GRM1: variants seen among roughly 807,000 people sequenced by gnomAD.
GRM1 encodes the protein glutamate metabotropic receptor 1.
Under a neutral mutation model 90.9 loss-of-function variants are expected in GRM1, and 33 were observed. That is an observed-to-expected ratio of 0.36 (90% CI 0.28 to 0.49). The LOEUF (loss-of-function observed/expected upper bound fraction) is 0.49. Among genes scored for constraint, GRM1 ranks in the 20% least tolerant of loss-of-function variants. GRM1 has a pLI of 0.99. For missense variants in GRM1, 1,190 were observed against 1,534.3 expected, an observed-to-expected ratio of 0.78 and a Z score of 3.75; for synonymous variants, 700 against 613.2, an observed-to-expected ratio of 1.14 and a Z score of -2.09.
chr6:146,322,144 ACAGT>A (rs1284466600), intron 3 of GRM1, among the ~76,000 whole-genome samples: 1 of 152,094 alleles, frequency 6.6e-6, no homozygotes, highest in African/African-American at 2.4e-5. Context: ...TTTCCTTCTA[ACAGT>A]CAGGCCCCTC....
chr6:146,331,726 A>T (rs951670502), intron 3 of GRM1, among the ~76,000 whole-genome samples: 1 of 152,106 alleles, frequency 6.6e-6, no homozygotes, highest in Non-Finnish European at 1.5e-5. Context: ...TTGAAGGGAG[A>T]CAGAGTACAA....
chr6:146,129,993 T>C (rs1235047702), intron 1 of GRM1, among the ~76,000 whole-genome samples: 1 of 151,986 alleles, frequency 6.6e-6, no homozygotes, highest in African/African-American at 2.4e-5. Flanking sequence ...CTATAAAATT[T>C]CAGATGTATT....
At chr6:146,165,414 G>A (rs547446025) in intron 2 of GRM1, among the ~76,000 whole-genome samples, 1 of 152,124 alleles carries the variant, frequency 6.6e-6, no homozygotes, top group East Asian at 1.9e-4. Context: ...AAAAAATGGG[G>A]AAAACTCTAA....
rs1022627059 is a variant in GRM1 at position 146,323,330 on chromosome 6, T to C, written c.1186+18484T>C. Reference sequence around the variant, plus strand: ...CATTGTGGTTTTGATTTGCATTTCTTTGATGGCCGGTGATGATGAGCATTT... The same window carrying C: ...CATTGTGGTTTTGATTTGCATTTCTCTGATGGCCGGTGATGATGAGCATTT... On this transcript the variant is annotated intron_variant, in intron 3 of 7. Transcript: ENST00000282753. Among the ~76,000 whole-genome samples, 8 of 152,332 alleles carry C rather than the reference T, an allele frequency of 5.3e-5. No individual in the cohort carries two copies. The South Asian group carries it at 1.0e-3, about 20-fold the overall frequency.
At chr6:146,402,734 T>C (rs1372334537) in intron 7 of GRM1, among the ~76,000 whole-genome samples, 1 of 152,202 alleles carries the variant, frequency 6.6e-6, no homozygotes, top group Non-Finnish European at 1.5e-5. Context: ...AACGGCATTC[T>C]CATGACAGGC....
At chr6:146,357,803 G>GT (rs1785647362) in intron 5 of GRM1, 109 bp downstream of exon 5, 1 of 889,390 alleles carries the variant, frequency 1.1e-6, no homozygotes, top group Admixed American at 2.0e-5. Context: ...TAGAAAGGGT[G>GT]TGCCAGGCTT....
At chr6:146,249,790 C>A (rs771946187) in intron 2 of GRM1, among the ~76,000 whole-genome samples, 1 of 152,130 alleles carries the variant, frequency 6.6e-6, no homozygotes, top group African/African-American at 2.4e-5. Context: ...CACCATGCAC[C>A]TGGAAAAGCC....
At chr6:146,384,709 T>C (rs568057949) in intron 5 of GRM1, among the ~76,000 whole-genome samples, 20 of 151,996 alleles carry the variant, frequency 1.3e-4, no homozygotes, top group Admixed American at 4.6e-4. Context: ...GATGTTAAAA[T>C]TAGCAGTCAA....
intron 3 of GRM1, among the ~76,000 whole-genome samples, chr6:146,318,790 T>C: frequency 6.6e-6 from 1 of 152,220 alleles, no homozygotes. Context: ...GTTGGCCACA[T>C]AAATGTCTTC....
chr6:146,111,988 C>T (rs1448852163), intron 1 of GRM1, among the ~76,000 whole-genome samples: 2 of 152,214 alleles, frequency 1.3e-5, no homozygotes, highest in African/African-American at 4.8e-5. Context: ...ATTGCATGCA[C>T]AATGTGGCAC....
chr6:146,418,998 A>G (rs1321888154), intron 7 of GRM1, among the ~76,000 whole-genome samples: 1 of 152,204 alleles, frequency 6.6e-6, no homozygotes, highest in African/African-American at 2.4e-5. Context: ...TTTAGAGACT[A>G]TGGCCTATGG....
rs1186088869 is a variant in GRM1 at position 146,434,111 on chromosome 6, G to A, written c.2900G>A (p.Arg967His). The A allele has an allele frequency of 1.2e-5, 19 of 1,614,028 alleles. No individual in the cohort carries two copies. The highest frequency in any genetic ancestry group is 1.6e-5 in the Non-Finnish European group (19 of 1,180,032). ...GAGGAGGAGGATGCCCAGCCGATTC[G>A]CTTTAGCCCGCCTGGTAGCCCTTCC... ...VEEEEDAQPI[R>H]FSPPGSPSMV... Residue 967 changes from arginine (R) to histidine (H), a missense_variant, in exon 8 of 8, where the codon CGC becomes CAC. Transcript: ENST00000282753.
chr6:146,153,134 C>G (rs1476633156), intron 1 of GRM1, among the ~76,000 whole-genome samples: 1 of 152,180 alleles, frequency 6.6e-6, no homozygotes, highest in East Asian at 1.9e-4. Context: ...TATGGAGAAT[C>G]TGCTTATATT....
chr6:146,220,017 C>T (rs916033831), intron 2 of GRM1, among the ~76,000 whole-genome samples: 2 of 151,804 alleles, frequency 1.3e-5, no homozygotes, highest in Non-Finnish European at 2.9e-5. Flanking sequence ...GAACAGATGA[C>T]CGTGAGTACG....
At chr6:146,323,050 C>T (rs7748500) in intron 3 of GRM1, among the ~76,000 whole-genome samples, 6,564 of 152,114 alleles carry the variant, frequency 0.043, 455 homozygotes, top group African/African-American at 0.14. Context: ...GTGAATGTCC[C>T]GCTATAAACG....
intron 1 of GRM1, among the ~76,000 whole-genome samples, chr6:146,114,536 T>C (rs1461474261): frequency 6.6e-6 from 1 of 152,162 alleles, no homozygotes; most frequent in Non-Finnish European, 1.5e-5. Flanking sequence ...AGAATGATTA[T>C]GAAAATTAAG....
At chr6:146,122,851 T>C (rs1776047342) in intron 1 of GRM1, among the ~76,000 whole-genome samples, 1 of 140,156 alleles carries the variant, frequency 7.1e-6, no homozygotes, top group African/African-American at 2.6e-5. Flanking sequence ...TTTTTTTTTT[T>C]TTTTTTTTTT....
intron 2 of GRM1, among the ~76,000 whole-genome samples, chr6:146,287,789 G>T (rs1418830727): frequency 3.3e-5 from 5 of 152,186 alleles, no homozygotes; most frequent in Non-Finnish European, 7.3e-5. Context: ...AGGGCCACAA[G>T]CCAAGGAATG....
chr6:146,207,679 T>C (rs1462655571), intron 2 of GRM1, among the ~76,000 whole-genome samples: 1 of 152,130 alleles, frequency 6.6e-6, no homozygotes, highest in Non-Finnish European at 1.5e-5. Context: ...CCAAACCCCA[T>C]CTTTTAAAAT....
Sources: gnomAD v4.1 joint callset for allele counts (sites outside exome capture counted in the v4.1 genomes callset) on GRCh38, gnomAD v4.1.1 for gene constraint, MANE v1.5 for transcripts, NCBI Gene and HGNC (gene_info 2026-07-23, HGNC 2026-07-21) for gene names.